The following NOX5 variants were observed in gnomAD, a reference collection of about 807,000 sequenced individuals.
NOX5 encodes NADPH oxidase 5.
In NOX5, 76 loss-of-function variants were observed where a neutral mutation model predicts 85.7. The observed-to-expected ratio is 0.89, with a 90% CI of 0.74 to 1.07. The LOEUF (loss-of-function observed/expected upper bound fraction) is 1.07. Among genes scored for constraint, NOX5 ranks in the 50% least tolerant of loss-of-function variants. The pLI, the probability that NOX5 is intolerant of heterozygous loss-of-function variation, is 0.00. For missense variants in NOX5, 973 were observed against 999.5 expected, an observed-to-expected ratio of 0.97 and a Z score of 0.36; for synonymous variants, 405 against 401.4, an observed-to-expected ratio of 1.01 and a Z score of -0.11.
chr15:69,035,814 A>T lies in NOX5; in HGVS notation c.1066A>T (p.Thr356Ser). The T allele has an allele frequency of 6.2e-7, 1 of 1,614,162 alleles. No homozygotes were observed. The highest frequency in any genetic ancestry group is 8.5e-7 in the Non-Finnish European group (1 of 1,180,020). Residue 356 changes from threonine to serine, a missense_variant, in exon 7 of 16, where the codon ACG (threonine) becomes TCG (serine). Physicochemically the swap from Thr to Ser is moderately conservative, Grantham distance 58. Coordinates refer to ENST00000388866, the MANE Select transcript of NOX5 (RefSeq NM_024505.4). ...PFQFWELLLTTRPGIGWVHGS... is the reference protein window; with the variant it reads ...PFQFWELLLTSRPGIGWVHGS... ...CCAGTTCTGGGAGCTGCTGCTCACCACGAGGCCTGGCATTGGCTGGGTACA... is the reference window on the plus strand; with the variant it reads ...CCAGTTCTGGGAGCTGCTGCTCACCTCGAGGCCTGGCATTGGCTGGGTACA...
rs1010672743 is a variant in NOX5 at position 69,015,563 on chromosome 15, C to G, written c.50+778C>G. On this transcript the variant is annotated intron_variant, in intron 1 of 15. Transcript: ENST00000388866. The stretch of plus-strand genomic sequence containing the variant: ...TTCTCCAGGTGCATGGGTGGGTCAC[C>G]CATGCGTGGGTCACAAGATCCGGGG... 2.6e-5 allele frequency among the ~76,000 whole-genome samples: 4 copies of G among 152,242 alleles called. No homozygotes were observed. The East Asian group carries it at 7.7e-4, about 29-fold the overall frequency.
chr15:69,056,153 A>T (rs1021966469), intron 15 of NOX5, among the ~76,000 whole-genome samples: 5 of 152,170 alleles, frequency 3.3e-5, no homozygotes, highest in Admixed American at 2.6e-4. Context: ...GACATCAGGA[A>T]GGATATTTAA....
chr15:69,032,097 A>G (rs2050442857), intron 4 of NOX5, among the ~76,000 whole-genome samples: 1 of 152,212 alleles, frequency 6.6e-6, no homozygotes, highest in African/African-American at 2.4e-5. Flanking sequence ...ACAAAAGGAA[A>G]TTACTTCGCC....
rs572021613 is a variant in NOX5, at chr15:69,044,721, G to A, written c.1647+1916G>A. ...TCTGTGTTAGAAAAAAATCTGTAAGGGCATAGAGAAAATGTTGAGTAGTTA... is the reference window on the plus strand; with the variant it reads ...TCTGTGTTAGAAAAAAATCTGTAAGAGCATAGAGAAAATGTTGAGTAGTTA... On this transcript the variant is annotated intron_variant, in intron 10 of 15. Transcript: ENST00000388866. Among the ~76,000 whole-genome samples, 23 of 152,212 alleles carry A rather than the reference G, an allele frequency of 1.5e-4. No homozygotes were observed. In the East Asian group the frequency reaches 2.9e-3, roughly 19 times the overall value.
chr15:69,049,036 C>T lies in NOX5; in HGVS notation c.1977C>T (p.Asp659=), dbSNP rs747784506. The change falls in exon 14 of 16, where the codon GAC becomes GAT. Residue 659 remains aspartate (D), a synonymous_variant. Transcript: ENST00000388866. ...FVSLLTKLEM[D]QAEEAQYGRF... ...GCCTGCTGACTAAACTGGAGATGGA[C>T]CAGGCCGAGGAGGCTCAATACGGTA... The T allele has an allele frequency of 6.2e-7, 1 of 1,612,018 alleles. No individual in the cohort carries two copies. The highest frequency in any genetic ancestry group is 8.5e-7 in the Non-Finnish European group (1 of 1,179,280).
chr15:69,031,740 G>C lies in NOX5; in HGVS notation c.548G>C (p.Gly183Ala). The C allele has an allele frequency of 6.2e-7, 1 of 1,612,668 alleles. No individual in the cohort carries two copies. The highest frequency in any genetic ancestry group is 2.2e-5 in the East Asian group (1 of 44,842). ...GAATCGGCCGACGCGGACGGCAACG[G>C]GGCCATCACCTTCGAGGAGCTCCGG... ...LFESADADGN[G>A]AITFEELRDE... The change falls in exon 4 of 16, where the codon GGG becomes GCG. Residue 183 changes from glycine (G) to alanine (A), a missense_variant. Transcript: ENST00000388866.
intron 12 of NOX5, 124 bp from the exon 13 acceptor site, chr15:69,047,706 C>T: frequency 1.6e-6 from 2 of 1,286,014 alleles, no homozygotes; most frequent in Non-Finnish European, 2.2e-6. Context: ...GTGTCTCATC[C>T]CTCCCCTTCC....
At chr15:69,014,894 CAGA>C in intron 1 of NOX5, 109 bp downstream of exon 1, 3 of 834,842 alleles carry the variant, frequency 3.6e-6, no homozygotes, top group East Asian at 5.3e-5. Flanking sequence ...GGGCAGAAAT[CAGA>C]AGATCTGAGC....
At chr15:69,026,843 A>G (rs77537047) in intron 2 of NOX5, among the ~76,000 whole-genome samples, 192 bp downstream of exon 2, 14 of 152,318 alleles carry the variant, frequency 9.2e-5, no homozygotes, top group East Asian at 7.7e-4. Context: ...TCTTCAACAC[A>G]TGAAGTTGGA....
chr15:69,042,563 G>T lies in NOX5; in HGVS notation c.1505-100G>T. On this transcript the variant is annotated intron_variant, in intron 9 of 15. Transcript: ENST00000388866. ...AAGGACATTCAAACCAGGACTTGGA[G>T]GGCTGAGGCCCAGCAGCAATCCCTC... 10 of 1,332,668 alleles carry T rather than the reference G, an allele frequency of 7.5e-6. No individual in the cohort carries two copies. In the South Asian group the frequency reaches 1.4e-4, roughly 19 times the overall value. 82.6% of individuals were successfully genotyped at this position (1,332,668 alleles called of 1,614,324 possible). A position where few individuals can be genotyped will look rare whatever the true frequency, so the allele number is the denominator to read the frequency against.
At chr15:69,033,697 T>C (rs540010554) in intron 5 of NOX5, among the ~76,000 whole-genome samples, 9 of 145,892 alleles carry the variant, frequency 6.2e-5, no homozygotes, top group Admixed American at 2.7e-4. Flanking sequence ...TCTTTCTTTT[T>C]TTTCTTTTTT....
chr15:69,031,843 C>T, intron 4 of NOX5, 31 bp downstream of exon 4: 3 of 1,569,008 alleles, frequency 1.9e-6, no homozygotes, highest in Non-Finnish European at 2.6e-6. Flanking sequence ...TTGGCACTGT[C>T]CACGGCGGCG....
Position 69,057,896 on chromosome 15 carries a change from G to C in NOX5, c.*1200G>C, listed in dbSNP as rs1213263509. On this transcript the variant is annotated 3_prime_UTR_variant, in exon 16 of 16. Transcript: ENST00000388866. ...CCAGCCTCTGTTTGCGTCTGTCCCT[G>C]TCTGGGCAGGAGGGAACAGCAGAGG... The C allele has an allele frequency of 6.6e-6, 1 of 152,354 alleles. No individual in the cohort carries two copies. The highest frequency in any genetic ancestry group is 1.5e-5 in the Non-Finnish European group (1 of 68,140). The allele number at this position is 152,354 out of a possible 1,614,324, so 9.4% of individuals were successfully genotyped here.
At chr15:69,054,216 T>C (rs928558715) in intron 14 of NOX5, among the ~76,000 whole-genome samples, 2 of 152,070 alleles carry the variant, frequency 1.3e-5, no homozygotes, top group Non-Finnish European at 2.9e-5. Context: ...TACATAAAAA[T>C]GATAACATTC....
At chr15:69,027,392 G>A (rs114765718) in intron 2 of NOX5, among the ~76,000 whole-genome samples, 1,633 of 152,270 alleles carry the variant, frequency 0.011, 33 homozygotes, top group African/African-American at 0.038. Context: ...AGTGATAAAG[G>A]TACTACCCAG....
At chr15:69,017,206 C>T (rs1279468922) in intron 1 of NOX5, among the ~76,000 whole-genome samples, 3 of 152,018 alleles carry the variant, frequency 2.0e-5, no homozygotes, top group Non-Finnish European at 4.4e-5. Context: ...GGCTGGAGTG[C>T]AGTGGCGTGA....
Position 69,033,282 on chromosome 15 carries a change from G to C in NOX5, c.855+5G>C. ...TTCGACTGCAGCTTCATCGCGGTAGGCTCTGCCAGCACACGGTGCTCTGAA... is the reference window on the plus strand; with the variant it reads ...TTCGACTGCAGCTTCATCGCGGTAGCCTCTGCCAGCACACGGTGCTCTGAA... On this transcript the variant is annotated splice_donor_5th_base_variant and intron_variant, in intron 5 of 15. Coordinates refer to ENST00000388866, the MANE Select transcript of NOX5 (RefSeq NM_024505.4). 1 of 1,592,630 alleles carries C rather than the reference G, an allele frequency of 6.3e-7. No individual in the cohort carries two copies.
rs776365315 is a variant in NOX5, at chr15:69,046,778, C to T, written c.1648-44C>T. 6.4e-5 allele frequency: 101 copies of T among 1,583,678 alleles called. 1 individual carries two copies. In the South Asian group the frequency reaches 1.1e-3, roughly 18 times the overall value. ...AGAAACTTCTAAGAAATCCCTAACA[C>T]TGTCCATTCCAAGACCCATAACTCT... On this transcript the variant is annotated intron_variant, in intron 10 of 15. Coordinates refer to ENST00000388866, the MANE Select transcript of NOX5 (RefSeq NM_024505.4).
intron 5 of NOX5, 113 bp downstream of exon 5, chr15:69,033,390 C>T (rs1423417788): frequency 1.2e-5 from 15 of 1,220,342 alleles, no homozygotes; most frequent in African/African-American, 3.2e-5. Context: ...CAGGGTGGCA[C>T]CTTAGAAATC....
Sources: allele counts gnomAD v4.1 joint callset (sites outside exome capture counted in the v4.1 genomes callset), GRCh38; gene constraint gnomAD v4.1.1; transcripts MANE v1.5; gene names NCBI Gene and HGNC (gene_info 2026-07-23, HGNC 2026-07-21).